The following ACOXL variants were observed in gnomAD, a reference collection of about 807,000 sequenced individuals.
ACOXL encodes the protein acyl-coenzyme A oxidase-like protein.
In ACOXL, 70 loss-of-function variants were observed where a neutral mutation model predicts 71.9. That is an observed-to-expected ratio of 0.97 (90% confidence interval 0.80 to 1.19). The LOEUF (loss-of-function observed/expected upper bound fraction) is 1.19, where lower values mean the gene tolerates loss of function less well. ACOXL is among the 50% of genes most tolerant of loss of function. The probability of loss-of-function intolerance (pLI) is 0.00; values close to 1 mark genes in which losing one functional copy is unlikely to be tolerated. For synonymous variants in ACOXL, 253 were observed against 281.6 expected (o/e 0.90, Z 1.02); for missense variants, 703 against 736.3 (o/e 0.95, Z 0.52).
intron 10 of ACOXL, among the ~76,000 whole-genome samples, chr2:110,843,394 C>A (rs1691415039): frequency 6.6e-6 from 1 of 152,184 alleles, no homozygotes; most frequent in Non-Finnish European, 1.5e-5. Context: ...CAGGGAAGCC[C>A]AGCTGACTCA....
intron 1 of ACOXL, among the ~76,000 whole-genome samples, chr2:110,742,638 G>A (rs980604995): frequency 1.5e-4 from 23 of 152,252 alleles, no homozygotes; most frequent in African/African-American, 5.5e-4. Flanking sequence ...GGTGAATTTG[G>A]GGAATTCTCT....
At chr2:110,870,411 A>G (rs10171765) in intron 10 of ACOXL, among the ~76,000 whole-genome samples, 43,390 of 151,790 alleles carry the variant, frequency 0.29, 6,837 homozygotes, top group Non-Finnish European at 0.35. Flanking sequence ...ATGTTAAACA[A>G]TTGGGGTATA....
chr2:110,752,021 TTC>T, intron 1 of ACOXL, among the ~76,000 whole-genome samples: 1 of 150,788 alleles, frequency 6.6e-6, no homozygotes, highest in East Asian at 1.9e-4. Flanking sequence ...TTCTTTCTTC[TTC>T]TTTTTTTTTT....
At chr2:110,797,817 G>A (rs1685457818) in intron 5 of ACOXL, among the ~76,000 whole-genome samples, 1 of 152,220 alleles carries the variant, frequency 6.6e-6, no homozygotes, top group Non-Finnish European at 1.5e-5. Context: ...GGGGCATGGA[G>A]AGCTGAGCAT....
chr2:110,820,777 G>C (rs72832845), intron 9 of ACOXL, among the ~76,000 whole-genome samples: 290 of 152,292 alleles, frequency 1.9e-3, no homozygotes, highest in African/African-American at 6.1e-3. Flanking sequence ...TTAGATGGTT[G>C]GGTTGGCCCA....
At chr2:111,007,303 G>A (rs2063923976) in intron 14 of ACOXL, among the ~76,000 whole-genome samples, 1 of 152,126 alleles carries the variant, frequency 6.6e-6, no homozygotes, top group African/African-American at 2.4e-5. Flanking sequence ...TCCATCAGTG[G>A]ATCTTTTTGG....
At chr2:110,752,688 G>A (rs1224999140) in intron 1 of ACOXL, among the ~76,000 whole-genome samples, 1 of 151,832 alleles carries the variant, frequency 6.6e-6, no homozygotes, top group African/African-American at 2.4e-5. Context: ...TGTTGCTACA[G>A]TGCTTTAAAA....
At chr2:110,907,877 T>G (rs1269835140) in intron 10 of ACOXL, among the ~76,000 whole-genome samples, 1 of 152,204 alleles carries the variant, frequency 6.6e-6, no homozygotes, top group Non-Finnish European at 1.5e-5. Context: ...GCTTCTTCTC[T>G]TTGAGTGGTT....
chr2:110,885,360 C>T (rs1697151576), intron 10 of ACOXL, among the ~76,000 whole-genome samples: 1 of 152,182 alleles, frequency 6.6e-6, no homozygotes, highest in Non-Finnish European at 1.5e-5. Flanking sequence ...GTAAGTTGGC[C>T]AGCTCTTAAT....
chr2:110,965,861 A>G (rs1423255654), intron 12 of ACOXL, among the ~76,000 whole-genome samples: 5 of 152,178 alleles, frequency 3.3e-5, no homozygotes, highest in Admixed American at 1.3e-4. Flanking sequence ...TGTCTCCCAT[A>G]TATCCCAGAC....
intron 9 of ACOXL, among the ~76,000 whole-genome samples, chr2:110,835,068 A>G (rs1236394715): frequency 6.6e-6 from 1 of 152,236 alleles, no homozygotes; most frequent in Non-Finnish European, 1.5e-5. Context: ...TAGGTTAAAC[A>G]AGCACCGCCT....
chr2:110,923,750 A>G (rs1228900109), intron 11 of ACOXL, among the ~76,000 whole-genome samples: 1 of 152,126 alleles, frequency 6.6e-6, no homozygotes, highest in Non-Finnish European at 1.5e-5. Flanking sequence ...CCTGGCCAAC[A>G]TGGTGAAACC....
At chr2:110,765,354 AT>A (rs1680915306) in intron 1 of ACOXL, among the ~76,000 whole-genome samples, 1 of 152,096 alleles carries the variant, frequency 6.6e-6, no homozygotes, top group Admixed American at 6.5e-5. Context: ...TAGCTATTAT[AT>A]CTTATACTAC....
chr2:110,785,127 C>T (rs1389098218), intron 3 of ACOXL, among the ~76,000 whole-genome samples: 3 of 152,074 alleles, frequency 2.0e-5, no homozygotes, highest in African/African-American at 7.2e-5. Flanking sequence ...AATATTATTG[C>T]TAAGATCGAT....
chr2:110,876,127 G>T (rs561210768), intron 10 of ACOXL, among the ~76,000 whole-genome samples: 2 of 152,314 alleles, frequency 1.3e-5, no homozygotes, highest in East Asian at 3.9e-4. Flanking sequence ...AGGCTTGGAC[G>T]CATCCTCTGT....
At chr2:110,812,600 A>G (rs894924689) in intron 9 of ACOXL, among the ~76,000 whole-genome samples, 4 of 152,206 alleles carry the variant, frequency 2.6e-5, no homozygotes, top group Non-Finnish European at 2.9e-5. Flanking sequence ...TGCTGAGGAT[A>G]ATGGCCTCCA....
Position 110,906,060 on chromosome 2 carries a change from G to A in ACOXL, c.789-2729G>A, listed in dbSNP as rs577001401. Among the ~76,000 whole-genome samples, 46 of 152,218 alleles carry A rather than the reference G, an allele frequency of 3.0e-4. No individual in the cohort carries two copies. In the East Asian group the frequency reaches 3.5e-3, roughly 12 times the overall value. On this transcript the variant is annotated intron_variant, in intron 10 of 17. Coordinates refer to ENST00000439055, the MANE Select transcript of ACOXL (RefSeq NM_001142807.4). ...TTGGGAAACTGAGGCACAACAGGTC[G>A]GGGTCAGATCTGGCATCCAAAGACC...
chr2:110,776,686 G>A (rs1441505894), intron 2 of ACOXL, among the ~76,000 whole-genome samples: 2 of 151,986 alleles, frequency 1.3e-5, no homozygotes, highest in African/African-American at 4.8e-5. Flanking sequence ...GAGAGAGGTG[G>A]TGACAACCAG....
At chr2:110,985,981 C>T (rs1008868326) in intron 12 of ACOXL, among the ~76,000 whole-genome samples, 21 of 152,216 alleles carry the variant, frequency 1.4e-4, no homozygotes, top group African/African-American at 4.1e-4. Context: ...CAATCAAGTT[C>T]GTGGGGATTT....
Sources: allele counts gnomAD v4.1 joint callset (sites outside exome capture counted in the v4.1 genomes callset), GRCh38; gene constraint gnomAD v4.1.1; transcripts MANE v1.5; gene names NCBI Gene and HGNC (gene_info 2026-07-23, HGNC 2026-07-21).